The following PALS1 variants were observed in gnomAD, a reference collection of about 807,000 sequenced individuals.
PALS1 encodes the protein protein associated with LIN7 1, MAGUK p55 family member, also known as protein PALS1.
Under a neutral mutation model 78.9 loss-of-function variants are expected in PALS1, and 31 were observed. The observed-to-expected ratio is 0.39, with a 90% CI of 0.30 to 0.53. The LOEUF is 0.53. Among genes scored for constraint, PALS1 ranks in the 20% least tolerant of loss-of-function variants. The pLI, the probability that PALS1 is intolerant of heterozygous loss-of-function variation, is 0.67. For synonymous variants in PALS1, 276 were observed against 270.9 expected, an observed-to-expected ratio of 1.02 and a Z score of -0.18; for missense variants, 704 against 826.5, an observed-to-expected ratio of 0.85 and a Z score of 1.82.
At chr14:67,324,882 C>A (rs531968339) in intron 14 of PALS1, among the ~76,000 whole-genome samples, 4 of 151,118 alleles carry the variant, frequency 2.6e-5, no homozygotes, top group East Asian at 2.0e-4. Context: ...AGCTACCACG[C>A]CCAGCCTTCC....
chr14:67,283,436 G>C (rs1013684926), intron 3 of PALS1, among the ~76,000 whole-genome samples: 1 of 152,144 alleles, frequency 6.6e-6, no homozygotes, highest in African/African-American at 2.4e-5. Context: ...TTGGCTTTAA[G>C]ATAAAGTTTA....
At chr14:67,317,364 T>TTCA (rs1391558934) in intron 10 of PALS1, 44 bp from the exon 11 acceptor site, 1 of 1,490,730 alleles carries the variant, frequency 6.7e-7, no homozygotes. Context: ...TGTGGTTTTG[T>TTCA]TCACGGGAAC....
chr14:67,308,721 G>T (rs1204601764), intron 8 of PALS1, among the ~76,000 whole-genome samples: 1 of 151,764 alleles, frequency 6.6e-6, no homozygotes, highest in Non-Finnish European at 1.5e-5. Flanking sequence ...ACCATCTACT[G>T]TGCCACCAGC....
In PALS1 at chr14:67,332,920, T is replaced by G; in HGVS notation, c.1992T>G (p.Thr664=). ...ELLRLINKLD[T]EPQWVPSTWL... is the part of the protein sequence containing the mutation. ...TTAGGTTAATTAACAAACTTGATAC[T>G]GAACCTCAGTGGGTACCATCCACTT... The change falls in exon 15 of 15, where the codon ACT becomes ACG. Residue 664 remains threonine, a synonymous_variant. Transcript: ENST00000261681. 1.2e-6 allele frequency: 2 copies of G among 1,613,500 alleles called. No homozygotes were observed. Among genetic ancestry groups the G allele is most frequent in the South Asian group, 2.2e-5 (2 of 91,044 alleles).
intron 9 of PALS1, among the ~76,000 whole-genome samples, chr14:67,313,124 G>A (rs544502216): frequency 5.3e-5 from 8 of 152,216 alleles, no homozygotes; most frequent in Admixed American, 2.6e-4. Context: ...TGTACCAAAC[G>A]TGATCTTAGG....
intron 5 of PALS1, 87 bp downstream of exon 5, chr14:67,301,553 G>C: frequency 3.8e-6 from 3 of 794,112 alleles, no homozygotes; most frequent in Non-Finnish European, 5.9e-6. Flanking sequence ...TGGAAGAGAT[G>C]TCAAACATTC....
chr14:67,244,510 G>A (rs1238268280), intron 1 of PALS1, among the ~76,000 whole-genome samples: 1 of 152,150 alleles, frequency 6.6e-6, no homozygotes, highest in Admixed American at 6.5e-5. Context: ...TACATGAAAT[G>A]AAGTTAACTT....
chr14:67,282,667 A>G (rs892497966), intron 3 of PALS1, among the ~76,000 whole-genome samples: 5 of 152,150 alleles, frequency 3.3e-5, no homozygotes, highest in African/African-American at 1.2e-4. Flanking sequence ...TAGATTTCAA[A>G]TGAATAATTA....
intron 1 of PALS1, among the ~76,000 whole-genome samples, chr14:67,264,980 G>C (rs1278908437): frequency 6.6e-6 from 1 of 151,992 alleles, no homozygotes; most frequent in Non-Finnish European, 1.5e-5. Context: ...GTGGGTTTAA[G>C]TTATAATACA....
At chr14:67,314,730 T>G (rs570727642) in intron 9 of PALS1, among the ~76,000 whole-genome samples, 33 of 152,384 alleles carry the variant, frequency 2.2e-4, no homozygotes, top group Admixed American at 9.8e-4. Flanking sequence ...AGTCTTTTTA[T>G]AAGACTAAAG....
intron 3 of PALS1, among the ~76,000 whole-genome samples, chr14:67,285,414 T>C (rs1005580602): frequency 1.5e-4 from 23 of 148,934 alleles, no homozygotes; most frequent in Non-Finnish European, 2.7e-4. Flanking sequence ...TCGCCCAGGC[T>C]GGAGTGCAGT....
chr14:67,254,030 C>CG (rs1031205209), intron 1 of PALS1, among the ~76,000 whole-genome samples: 12 of 139,702 alleles, frequency 8.6e-5, no homozygotes, highest in African/African-American at 2.7e-4. Flanking sequence ...ATTCATCCCC[C>CG]CCCCCTTACA....
At chr14:67,290,827 G>T (rs75462059) in intron 3 of PALS1, among the ~76,000 whole-genome samples, 5,221 of 152,222 alleles carry the variant, frequency 0.034, 112 homozygotes, top group East Asian at 0.06. Context: ...GAGCCACTGC[G>T]CCTGGCCAGG....
chr14:67,256,101 T>A (rs2084141430), intron 1 of PALS1, among the ~76,000 whole-genome samples: 1 of 152,182 alleles, frequency 6.6e-6, no homozygotes, highest in Admixed American at 6.5e-5. Context: ...CATACTTTTT[T>A]TGTGTGAATA....
At chr14:67,274,043 C>T (rs147493470) in intron 2 of PALS1, among the ~76,000 whole-genome samples, 115 of 152,118 alleles carry the variant, frequency 7.6e-4, no homozygotes, top group African/African-American at 2.0e-3. Context: ...GATGGGTAGA[C>T]GGTGAAAATT....
intron 9 of PALS1, among the ~76,000 whole-genome samples, chr14:67,314,495 G>C (rs1375043500): frequency 6.6e-6 from 1 of 152,188 alleles, no homozygotes; most frequent in Non-Finnish European, 1.5e-5. Flanking sequence ...ATTTATTTTA[G>C]AGTATGATGC....
chr14:67,249,111 C>T (rs917273460), intron 1 of PALS1, among the ~76,000 whole-genome samples: 8 of 151,964 alleles, frequency 5.3e-5, no homozygotes, highest in East Asian at 1.9e-4. Flanking sequence ...TACAGGCACC[C>T]GCCATCATGC....
At chr14:67,304,884 TAGC>T (rs1168029609) in intron 8 of PALS1, among the ~76,000 whole-genome samples, 1 of 152,212 alleles carries the variant, frequency 6.6e-6, no homozygotes, top group Non-Finnish European at 1.5e-5. Flanking sequence ...CTTTAAAGCA[TAGC>T]AGTTTGAGAA....
chr14:67,280,837 TTCCTTCCTTCCTTCCTTCCCTCCC>T (rs1448707595), intron 3 of PALS1, among the ~76,000 whole-genome samples: 23 of 133,518 alleles, frequency 1.7e-4, no homozygotes, highest in African/African-American at 6.0e-4. Context: ...CCTTCCTTCC[TTCCTTCCTTCCTTCCTTCCCTCCC>T]TCCCTCCCTC....
Sources: gnomAD v4.1 joint callset for allele counts (sites outside exome capture counted in the v4.1 genomes callset) on GRCh38, gnomAD v4.1.1 for gene constraint, MANE v1.5 for transcripts, NCBI Gene and HGNC (gene_info 2026-07-23, HGNC 2026-07-21) for gene names.